Variants in MREG observed in about 807,000 individuals in gnomAD.
MREG encodes melanoregulin.
In MREG, 31 loss-of-function variants were observed where a neutral mutation model predicts 28.5. The observed-to-expected ratio is 1.09, with a 90% CI of 0.82 to 1.47. The LOEUF (loss-of-function observed/expected upper bound fraction) is 1.47, where lower values mean the gene tolerates loss of function less well. Ranked by LOEUF, MREG falls within the 40% of genes most tolerant of loss-of-function variation. MREG has a pLI of 0.00. For synonymous variants in MREG, 106 were observed against 95.2 expected (o/e 1.11, Z -0.66); for missense variants, 256 against 257.4 (o/e 0.99, Z 0.04).
intron 2 of MREG, among the ~76,000 whole-genome samples, chr2:215,976,861 C>G (rs1189087864): frequency 6.6e-6 from 1 of 152,192 alleles, no homozygotes; most frequent in East Asian, 1.9e-4. Flanking sequence ...GCCTGCCTTA[C>G]AAGAGCTCCT....
intron 2 of MREG, among the ~76,000 whole-genome samples, chr2:215,966,141 C>T (rs969405071): frequency 6.6e-6 from 1 of 152,148 alleles, no homozygotes; most frequent in African/African-American, 2.4e-5. Flanking sequence ...AGGGACAGGT[C>T]TAGGGAGGGA....
rs529767535 is a variant in MREG, at chr2:216,011,073, G to A, written c.95+2160C>T. ...ATCATGCCACTGCACTCCAGCCTGG[G>A]CAACAGAGCAAGACTCCGTCTCAAA... On this transcript the variant is annotated intron_variant, in intron 1 of 4. Transcript: ENST00000263268. Among the ~76,000 whole-genome samples the A allele has an allele frequency of 3.7e-5, 5 of 135,340 alleles. No homozygotes were observed. The South Asian group carries it at 7.0e-4, about 19-fold the overall frequency. 88.8% of individuals were successfully genotyped at this position (135,340 alleles called of 152,430 possible).
chr2:216,031,695 A>AG (rs1559204167), intron 1 of MREG, among the ~76,000 whole-genome samples: 3 of 106,956 alleles, frequency 2.8e-5, no homozygotes, highest in African/African-American at 1.1e-4. Context: ...AAGAAAGAGA[A>AG]AGAAAGAAAG....
At chr2:215,953,309 C>T (rs1692535633) in intron 2 of MREG, among the ~76,000 whole-genome samples, 1 of 152,224 alleles carries the variant, frequency 6.6e-6, no homozygotes, top group Admixed American at 6.5e-5. Flanking sequence ...CCAATAAACT[C>T]ATTTTTGGCT....
Position 215,996,402 on chromosome 2 carries a change from C to T in MREG, c.159G>A (p.Trp53Ter), listed in dbSNP as rs1197932146. ...TLVRDDEKNL[W>*]SMPHDVSHTE... The stretch of plus-strand genomic sequence containing the variant: ...TGTGGGACACATCATGGGGCATACT[C>T]CATAAATTCTTCTCATCATCCCTCA... Residue 53 changes from tryptophan (W) to a stop codon, truncating the protein, a stop_gained, in exon 2 of 5, where the codon TGG becomes TGA. Transcript: ENST00000263268. LOFTEE classifies it high-confidence loss of function. 1 of 1,613,574 alleles carries T rather than the reference C, an allele frequency of 6.2e-7. No individual in the cohort carries two copies. Among genetic ancestry groups the T allele is most frequent in the Non-Finnish European group, 8.5e-7 (1 of 1,179,530 alleles).
At chr2:216,020,856 C>T (rs750509924) in intron 1 of MREG, among the ~76,000 whole-genome samples, 2 of 152,198 alleles carry the variant, frequency 1.3e-5, no homozygotes, top group Non-Finnish European at 1.5e-5. Flanking sequence ...GCAAGAGGAA[C>T]GTCAGACTCC....
In MREG at chr2:215,947,067, C is replaced by T. The variant is rs181681974; in HGVS notation, c.302G>A (p.Arg101Gln). The change falls in exon 3 of 5, where the codon CGA (arginine) becomes CAA (glutamine). Residue 101 changes from arginine (R) to glutamine (Q), a missense_variant. By Grantham distance (43) the Arg-to-Gln change is conservative. Transcript: ENST00000263268. ...NYDIHTLRQV[R>Q]REVRNRWKCI... ...CTTCCATCTGTTTCTTACTTCCCTT[C>T]GAACCTGCCGCAGGGTATGGATATC... is the stretch of plus-strand genomic sequence containing the variant. The T allele has an allele frequency of 6.6e-5, 107 of 1,613,046 alleles. 1 individual carries two copies. The highest frequency in any genetic ancestry group is 2.2e-4 in the South Asian group (20 of 90,970).
At chr2:215,956,048 T>C (rs937938968) in intron 2 of MREG, among the ~76,000 whole-genome samples, 1 of 152,116 alleles carries the variant, frequency 6.6e-6, no homozygotes, top group African/African-American at 2.4e-5. Context: ...AATCATAATG[T>C]CAAACGTATA....
At chr2:216,023,274 T>C (rs1694552014) in intron 1 of MREG, among the ~76,000 whole-genome samples, 1 of 152,250 alleles carries the variant, frequency 6.6e-6, no homozygotes, top group African/African-American at 2.4e-5. Flanking sequence ...GCAGTCTCTT[T>C]GGAGATGGGG....
At chr2:216,006,876 G>C (rs902427390) in intron 1 of MREG, among the ~76,000 whole-genome samples, 4 of 152,128 alleles carry the variant, frequency 2.6e-5, no homozygotes, top group African/African-American at 9.7e-5. Flanking sequence ...CTGGCACCTG[G>C]TTTCCCTAGC....
At chr2:215,953,358 A>T (rs1051898524) in intron 2 of MREG, among the ~76,000 whole-genome samples, 1 of 152,242 alleles carries the variant, frequency 6.6e-6, no homozygotes, top group Non-Finnish European at 1.5e-5. Context: ...TAAAATAGCC[A>T]TGCATGGGAT....
At chr2:215,976,295 A>C (rs1559183689) in intron 2 of MREG, among the ~76,000 whole-genome samples, 1 of 152,198 alleles carries the variant, frequency 6.6e-6, no homozygotes, top group Admixed American at 6.5e-5. Flanking sequence ...GTATCTGCCC[A>C]GCCTCTTCAA....
At chr2:216,010,988 C>A (rs1041732722) in intron 1 of MREG, among the ~76,000 whole-genome samples, 3 of 149,326 alleles carry the variant, frequency 2.0e-5, no homozygotes, top group Non-Finnish European at 4.4e-5. Flanking sequence ...CCCAGCTACT[C>A]GGGAGGCTGA....
intron 1 of MREG, among the ~76,000 whole-genome samples, chr2:216,004,588 C>T (rs1056048200): frequency 6.6e-6 from 1 of 151,548 alleles, no homozygotes; most frequent in Non-Finnish European, 1.5e-5. Flanking sequence ...CTGTGCCTGG[C>T]ACATAGTAAA....
At chr2:216,025,439 T>C (rs1694581107) in intron 1 of MREG, among the ~76,000 whole-genome samples, 1 of 152,224 alleles carries the variant, frequency 6.6e-6, no homozygotes, top group Admixed American at 6.5e-5. Context: ...GAGATGGAAT[T>C]TAGCATACAG....
Position 215,944,916 on chromosome 2 carries a change from A to ATG in MREG, c.590_591dup (p.Cys198HisfsTer54). The ATG allele has an allele frequency of 6.2e-7, 1 of 1,608,892 alleles. No homozygotes were observed. The highest frequency in any genetic ancestry group is 1.1e-5 in the South Asian group (1 of 90,734). ...AGTTCTTTCTGGCCATCTGCCAGGCATGGAACCCCAGGCTTCTTGGGGTAA... is the reference window on the plus strand; with the variant it reads ...AGTTCTTTCTGGCCATCTGCCAGGCATGTGGAACCCCAGGCTTCTTGGGGTAA... On this transcript the variant is annotated frameshift_variant, in exon 5 of 5. Coordinates refer to ENST00000263268, the MANE Select transcript of MREG (RefSeq NM_018000.3). LOFTEE classifies it high-confidence loss of function.
chr2:215,939,323 A>G (rs1255620783), downstream of MREG: 1 of 152,196 alleles, frequency 6.6e-6, no homozygotes, highest in Non-Finnish European at 1.5e-5. Flanking sequence ...TGAAGACGAT[A>G]TATTTATTTC....
At chr2:215,951,110 A>G (rs892980147) in intron 2 of MREG, among the ~76,000 whole-genome samples, 1 of 152,072 alleles carries the variant, frequency 6.6e-6, no homozygotes, top group Non-Finnish European at 1.5e-5. Context: ...CCTCCCAGCC[A>G]TGCTTCCTGT....
chr2:216,019,607 C>A (rs1377215108), intron 1 of MREG, among the ~76,000 whole-genome samples: 1 of 151,850 alleles, frequency 6.6e-6, no homozygotes, highest in Non-Finnish European at 1.5e-5. Flanking sequence ...AGGGTTCACA[C>A]CATTATCCTG....
Sources: allele counts gnomAD v4.1 joint callset (sites outside exome capture counted in the v4.1 genomes callset), GRCh38; gene constraint gnomAD v4.1.1; transcripts MANE v1.5; gene names NCBI Gene and HGNC (gene_info 2026-07-23, HGNC 2026-07-21).